The following PHF21A variants were observed in gnomAD, a reference collection of about 807,000 sequenced individuals.
PHF21A encodes the protein PHD finger protein 21A, also known as BHC80a.
PHF21A carries 11 observed loss-of-function variants against 82.5 expected under a neutral mutation model. The observed-to-expected ratio is 0.13, with a 90% CI of 0.08 to 0.22. The LOEUF (loss-of-function observed/expected upper bound fraction) is 0.22, where lower values mean the gene tolerates loss of function less well. Ranked by LOEUF, PHF21A falls within the 10% of genes least tolerant of loss-of-function variation. The pLI, the probability that PHF21A is intolerant of heterozygous loss-of-function variation, is 1.00. For missense variants in PHF21A, 579 were observed against 837.8 expected (o/e 0.69, Z 3.81); for synonymous variants, 297 against 302.8 (o/e 0.98, Z 0.20).
intron 15 of PHF21A, among the ~76,000 whole-genome samples, chr11:45,941,689 T>C (rs1314479574): frequency 1.3e-5 from 2 of 152,190 alleles, no homozygotes; most frequent in South Asian, 2.1e-4. Flanking sequence ...GGAGGCACCA[T>C]ACCAGGTCAA....
At chr11:46,006,876 C>T (rs777630398) in intron 6 of PHF21A, among the ~76,000 whole-genome samples, 8 of 152,134 alleles carry the variant, frequency 5.3e-5, no homozygotes, top group Non-Finnish European at 1.2e-4. Flanking sequence ...CAGGTACTAA[C>T]AATATGTATT....
intron 11 of PHF21A, among the ~76,000 whole-genome samples, chr11:45,952,416 T>G (rs551247400): frequency 1.3e-5 from 2 of 152,314 alleles, no homozygotes; most frequent in African/African-American, 4.8e-5. Flanking sequence ...TAATTTTGTT[T>G]ATTTTTTGCA....
rs1459819023 is a variant in PHF21A at position 45,933,813 on chromosome 11, TG to T, written c.*154del. 1 of 655,102 alleles carries T rather than the reference TG, an allele frequency of 1.5e-6. No individual in the cohort carries two copies. Among genetic ancestry groups the T allele is most frequent in the African/African-American group, 1.8e-5 (1 of 54,368 alleles). The allele number at this position is 655,102 out of a possible 1,614,324, so 40.6% of individuals were successfully genotyped here. Reference sequence around the variant, plus strand: ...ATAAGAAGGATCAATTGGCAAACTCTGGTGCCACCTGGCACAAGCATCTTCT... The same window carrying T: ...ATAAGAAGGATCAATTGGCAAACTCTGTGCCACCTGGCACAAGCATCTTCT... On this transcript the variant is annotated 3_prime_UTR_variant, in exon 19 of 19. Coordinates refer to ENST00000676320, the MANE Select transcript of PHF21A (RefSeq NM_001352027.3).
At chr11:45,980,925 G>A (rs1399472397) in intron 6 of PHF21A, among the ~76,000 whole-genome samples, 3 of 152,172 alleles carry the variant, frequency 2.0e-5, no homozygotes, top group East Asian at 1.9e-4. Context: ...GGATTTAACT[G>A]CGTGGAGTGA....
chr11:46,011,979 A>C (rs557035460), intron 6 of PHF21A, among the ~76,000 whole-genome samples: 26 of 152,314 alleles, frequency 1.7e-4, no homozygotes, highest in African/African-American at 6.0e-4. Context: ...CCAGATGACT[A>C]TCACCTTCTT....
chr11:46,023,306 T>G (rs568608984), intron 6 of PHF21A, among the ~76,000 whole-genome samples: 44 of 152,320 alleles, frequency 2.9e-4, no homozygotes, highest in African/African-American at 1.1e-3. Flanking sequence ...CTGAGGCCCC[T>G]TCTATTTTGA....
intron 6 of PHF21A, among the ~76,000 whole-genome samples, chr11:45,998,608 G>A (rs943557399): frequency 2.6e-5 from 4 of 151,838 alleles, no homozygotes; most frequent in African/African-American, 9.7e-5. Context: ...CACCTCCCAG[G>A]TTCAAGTGAT....
At chr11:46,120,411 C>A (rs1852871423) in intron 1 of PHF21A, 1 of 149,280 alleles carries the variant, frequency 6.7e-6, no homozygotes, top group Admixed American at 6.6e-5. Flanking sequence ...AGCCCCCGGC[C>A]GGCCCCCCGC....
At chr11:46,107,896 A>G (rs534019863) in intron 1 of PHF21A, among the ~76,000 whole-genome samples, 1 of 151,882 alleles carries the variant, frequency 6.6e-6, no homozygotes, top group African/African-American at 2.4e-5. Context: ...TCAGCATAGC[A>G]TTTGGTAGTG....
At chr11:45,980,533 T>A (rs145865564) in intron 6 of PHF21A, among the ~76,000 whole-genome samples, 99 of 152,306 alleles carry the variant, frequency 6.5e-4, no homozygotes, top group Non-Finnish European at 1.3e-3. Flanking sequence ...TGTCTCTCTA[T>A]ACTGCCCAGG....
chr11:46,037,872 G>A (rs2096048102), intron 6 of PHF21A, among the ~76,000 whole-genome samples: 1 of 151,838 alleles, frequency 6.6e-6, no homozygotes, highest in Admixed American at 6.6e-5. Flanking sequence ...GGCTTTTTCA[G>A]CTCAGAAATT....
At chr11:45,938,053 C>T in intron 16 of PHF21A, 104 bp downstream of exon 16, 2 of 995,732 alleles carry the variant, frequency 2.0e-6, no homozygotes, top group South Asian at 1.8e-5. Flanking sequence ...CGGAGACGGA[C>T]TGGGAGAGAG....
chr11:45,981,648 A>G (rs1321171185), intron 6 of PHF21A, among the ~76,000 whole-genome samples: 1 of 152,010 alleles, frequency 6.6e-6, no homozygotes, highest in Non-Finnish European at 1.5e-5. Flanking sequence ...ATAAAAATAG[A>G]TTGTGATTTT....
At chr11:46,017,409 T>C (rs1353476027) in intron 6 of PHF21A, among the ~76,000 whole-genome samples, 1 of 152,238 alleles carries the variant, frequency 6.6e-6, no homozygotes, top group Non-Finnish European at 1.5e-5. Flanking sequence ...CTAACAAGAC[T>C]GTAAACTACT....
At chr11:46,033,311 T>C (rs1448953082) in intron 6 of PHF21A, among the ~76,000 whole-genome samples, 2 of 152,194 alleles carry the variant, frequency 1.3e-5, no homozygotes, top group Admixed American at 6.6e-5. Flanking sequence ...GTTGCCTAGA[T>C]TGGAGTGCAG....
chr11:46,082,587 A>C (rs2096805345), intron 4 of PHF21A, among the ~76,000 whole-genome samples: 1 of 152,364 alleles, frequency 6.6e-6, no homozygotes, highest in African/African-American at 2.4e-5. Context: ...TTTTATGCTC[A>C]AAGCTGACAG....
intron 1 of PHF21A, among the ~76,000 whole-genome samples, chr11:46,113,757 T>G (rs1593422223): frequency 6.9e-6 from 1 of 144,942 alleles, no homozygotes. Flanking sequence ...ACCTGGGAGG[T>G]GGAGGCTGCA....
At chr11:45,956,033 C>CA (rs1019839671) in intron 10 of PHF21A, among the ~76,000 whole-genome samples, 1 of 152,046 alleles carries the variant, frequency 6.6e-6, no homozygotes, top group Non-Finnish European at 1.5e-5. Context: ...AAGTGCTGAG[C>CA]AAAAAAACCC....
Position 46,105,216 on chromosome 11 carries a change from T to C in PHF21A, c.-236-12993A>G, listed in dbSNP as rs185798134. On this transcript the variant is annotated intron_variant, in intron 1 of 18. Transcript: ENST00000676320. ...AAAGTGGCTCCTGCACTAACATTCT[T>C]AACCTCTGTGTTCTACTGACACGCT... Among the ~76,000 whole-genome samples, 10 of 152,316 alleles carry C rather than the reference T, an allele frequency of 6.6e-5. No individual in the cohort carries two copies. In the East Asian group the frequency reaches 1.7e-3, roughly 26 times the overall value.
Sources: allele counts gnomAD v4.1 joint callset (sites outside exome capture counted in the v4.1 genomes callset), GRCh38; gene constraint gnomAD v4.1.1; transcripts MANE v1.5; gene names NCBI Gene and HGNC (gene_info 2026-07-23, HGNC 2026-07-21).